TCF4: variants seen among roughly 807,000 people sequenced by gnomAD.
The protein encoded by TCF4 is SL3-3 enhancer factor 2.
TCF4 carries 3 observed loss-of-function variants against 82.1 expected under a neutral mutation model. The observed-to-expected ratio is 0.04, with a 90% confidence interval of 0.02 to 0.09. The LOEUF is 0.09. Among genes scored for constraint, TCF4 ranks in the 10% least tolerant of loss-of-function variants. TCF4 has a pLI of 1.00. For missense variants in TCF4, 518 were observed against 852.7 expected (o/e 0.61, Z 4.89); for synonymous variants, 276 against 309.6 (o/e 0.89, Z 1.14).
chr18:55,518,404 A>T (rs2096903438), intron 3 of TCF4, among the ~76,000 whole-genome samples: 1 of 152,188 alleles, frequency 6.6e-6, no homozygotes. Flanking sequence ...GTGTGCAAAG[A>T]TACAGAAATA....
chr18:55,621,463 TAATA>T (rs1230707589), intron 2 of TCF4, among the ~76,000 whole-genome samples: 4 of 51,852 alleles, frequency 7.7e-5, no homozygotes, highest in African/African-American at 6.2e-5. Flanking sequence ...ATATAATATA[TAATA>T]TATATAAAAA....
At chr18:55,310,983 T>G (rs544367200) in intron 8 of TCF4, among the ~76,000 whole-genome samples, 11 of 152,298 alleles carry the variant, frequency 7.2e-5, no homozygotes, top group Admixed American at 7.2e-4. Context: ...ACTCAACATA[T>G]TCTAACAGCT....
chr18:55,347,249 A>C (rs2144658369), intron 8 of TCF4, among the ~76,000 whole-genome samples: 1 of 152,294 alleles, frequency 6.6e-6, no homozygotes, highest in African/African-American at 2.4e-5. Flanking sequence ...GCAACATACT[A>C]AAATACGAAC....
intron 3 of TCF4, among the ~76,000 whole-genome samples, chr18:55,522,730 T>C (rs996618996): frequency 1.3e-5 from 2 of 152,092 alleles, no homozygotes; most frequent in Non-Finnish European, 2.9e-5. Context: ...ATATCTACCA[T>C]AAACACACAG....
chr18:55,355,444 T>C (rs1040734884), intron 6 of TCF4, among the ~76,000 whole-genome samples: 9 of 152,202 alleles, frequency 5.9e-5, no homozygotes, highest in African/African-American at 2.2e-4. Flanking sequence ...TGTGCCATTC[T>C]GACCACAGAA....
At chr18:55,409,320 T>G (rs554998689) in intron 5 of TCF4, among the ~76,000 whole-genome samples, 179 of 152,150 alleles carry the variant, frequency 1.2e-3, no homozygotes, top group Middle Eastern at 3.4e-3. Context: ...TTACATTGTA[T>G]CTAGCATGTT....
intron 3 of TCF4, among the ~76,000 whole-genome samples, chr18:55,468,934 G>A (rs1484802966): frequency 7.1e-6 from 1 of 140,388 alleles, no homozygotes; most frequent in East Asian, 2.2e-4. Context: ...GGAGAATAAA[G>A]AGAAAGATAT....
chr18:55,322,017 G>C (rs958642702), intron 8 of TCF4: 3 of 1,204,096 alleles, frequency 2.5e-6, no homozygotes, highest in Admixed American at 8.7e-5. Context: ...ACTTTTCCGA[G>C]GGGTTTTTAT....
At chr18:55,507,630 A>G (rs1260080680) in intron 3 of TCF4, among the ~76,000 whole-genome samples, 8 of 152,158 alleles carry the variant, frequency 5.3e-5, no homozygotes, top group Admixed American at 3.9e-4. Context: ...GTTTAGTTGG[A>G]TATCAGGCAA....
At chr18:55,250,671 G>T (rs1351251037) in intron 15 of TCF4, among the ~76,000 whole-genome samples, 1 of 152,156 alleles carries the variant, frequency 6.6e-6, no homozygotes, top group Non-Finnish European at 1.5e-5. Context: ...GCCTAGCAGA[G>T]GGGCTGCCAA....
At chr18:55,269,754 A>G (rs910267363) in intron 11 of TCF4, 77 bp downstream of exon 11, 1 of 1,587,578 alleles carries the variant, frequency 6.3e-7, no homozygotes, top group Admixed American at 1.7e-5. Flanking sequence ...TTCAGTTATG[A>G]AAGGGAAAAA....
intron 8 of TCF4, among the ~76,000 whole-genome samples, chr18:55,292,867 C>G (rs1192171858): frequency 6.6e-6 from 1 of 152,044 alleles, no homozygotes; most frequent in Non-Finnish European, 1.5e-5. Context: ...TATTTACACA[C>G]ATTATACATA....
chr18:55,226,824 A>T lies in TCF4; in HGVS notation c.*1211T>A, dbSNP rs2046656428. Reference sequence around the variant, plus strand: ...TTTTTTTCCAAAAATCTGACCATGTATTCAGAAACGCCTCACTGCACACTA... The same window carrying T: ...TTTTTTTCCAAAAATCTGACCATGTTTTCAGAAACGCCTCACTGCACACTA... On this transcript the variant is annotated 3_prime_UTR_variant, in exon 20 of 20. Transcript: ENST00000354452. The T allele has an allele frequency of 6.6e-6, 1 of 152,530 alleles. No homozygotes were observed. The highest frequency in any genetic ancestry group is 2.4e-5 in the African/African-American group (1 of 41,406). 9.4% of individuals were successfully genotyped at this position (152,530 alleles called of 1,614,324 possible).
At chr18:55,545,983 G>A (rs537387251) in intron 3 of TCF4, among the ~76,000 whole-genome samples, 1 of 152,166 alleles carries the variant, frequency 6.6e-6, no homozygotes, top group Admixed American at 6.5e-5. Flanking sequence ...ATCAATTTCT[G>A]TTGACTTTTA....
chr18:55,414,334 A>C (rs1359568643), intron 5 of TCF4, among the ~76,000 whole-genome samples: 6 of 152,114 alleles, frequency 3.9e-5, no homozygotes, highest in Non-Finnish European at 8.8e-5. Flanking sequence ...AAAGAAAAAA[A>C]AAACGTAGAT....
Position 55,254,552 on chromosome 18 carries a change from C to A in TCF4, c.1295G>T (p.Gly432Val). ...GCCGGTTCCATACCCTGAGCCCAGA[C>A]CACCCATGGCTCCATTATGAGAAGG... The part of the protein sequence containing the change: ...IGPSHNGAMG[G>V]LGSGYGTGLL... The change falls in exon 15 of 20, where the codon GGT (glycine) becomes GTT (valine). Residue 432 changes from glycine (G) to valine (V), a missense_variant. Physicochemically the swap from Gly to Val is moderately radical, Grantham distance 109. Around this residue, in one of 7 missense-constraint regions of TCF4, gnomAD observed 144 missense variants for 190.2 expected, o/e 0.76. Transcript: ENST00000354452. 6.2e-7 allele frequency: 1 copy of A among 1,613,788 alleles called. No individual in the cohort carries two copies. The highest frequency in any genetic ancestry group is 8.5e-7 in the Non-Finnish European group (1 of 1,179,854).
At chr18:55,247,278 A>G (rs965501507) in intron 15 of TCF4, among the ~76,000 whole-genome samples, 1 of 152,218 alleles carries the variant, frequency 6.6e-6, no homozygotes, top group Admixed American at 6.5e-5. Flanking sequence ...AGTCACACCC[A>G]TCACATTTGC....
At chr18:55,514,405 GCACACACACACACA>G (rs74182104) in intron 3 of TCF4, among the ~76,000 whole-genome samples, 12 of 130,286 alleles carry the variant, frequency 9.2e-5, no homozygotes, top group Non-Finnish European at 1.9e-4. Context: ...ATCTATCCAT[GCACACACACACACA>G]CACACACACA....
At chr18:55,337,538 T>C (rs1473369543) in intron 8 of TCF4, among the ~76,000 whole-genome samples, 2 of 152,164 alleles carry the variant, frequency 1.3e-5, no homozygotes, top group African/African-American at 2.4e-5. Context: ...AAGAAAATAA[T>C]GTGGCTAACC....
Sources: gnomAD v4.1 joint callset for allele counts (sites outside exome capture counted in the v4.1 genomes callset) on GRCh38, gnomAD v4.1.1 for gene constraint, gnomAD v4.1.1 regional missense constraint, MANE v1.5 for transcripts, NCBI Gene and HGNC (gene_info 2026-07-23, HGNC 2026-07-21) for gene names.